Variants in MBOAT2 observed in about 807,000 individuals in gnomAD.
The protein encoded by MBOAT2 is membrane bound glycerophospholipid O-acyltransferase 2, also known as membrane-bound glycerophospholipid O-acyltransferase 2.
A neutral mutation model predicts 63.4 loss-of-function variants in MBOAT2; 28 were observed. The observed-to-expected ratio is 0.44, with a 90% CI of 0.33 to 0.61. MBOAT2 has a LOEUF of 0.61. MBOAT2 is among the 20% of genes least tolerant of loss of function. The pLI is 0.03. For missense variants in MBOAT2, 470 were observed against 605.8 expected (o/e 0.78, Z 2.35); for synonymous variants, 211 against 215.6 (o/e 0.98, Z 0.19).
chr2:8,893,655 T>C (rs1483576684), intron 4 of MBOAT2, among the ~76,000 whole-genome samples: 2 of 152,216 alleles, frequency 1.3e-5, no homozygotes, highest in African/African-American at 4.8e-5. Flanking sequence ...AGAAGCTTTC[T>C]CTTGAGAACA....
intron 6 of MBOAT2, among the ~76,000 whole-genome samples, chr2:8,877,713 T>G (rs1331875915): frequency 2.0e-5 from 3 of 152,152 alleles, no homozygotes; most frequent in African/African-American, 4.8e-5. Context: ...TTTATTCTAT[T>G]AAGAAGTCAG....
intron 7 of MBOAT2, among the ~76,000 whole-genome samples, chr2:8,876,625 T>G (rs1486557976): frequency 6.6e-6 from 1 of 150,426 alleles, no homozygotes; most frequent in Non-Finnish European, 1.5e-5. Flanking sequence ...AAAAAAGAAA[T>G]GGAGGATACA....
At chr2:8,910,926 G>A (rs1665667910) in intron 3 of MBOAT2, among the ~76,000 whole-genome samples, 1 of 152,160 alleles carries the variant, frequency 6.6e-6, no homozygotes, top group Non-Finnish European at 1.5e-5. Flanking sequence ...TTATGAAAAA[G>A]AACGACTAGT....
chr2:8,934,421 A>G (rs998642801), intron 3 of MBOAT2, among the ~76,000 whole-genome samples: 2 of 152,224 alleles, frequency 1.3e-5, no homozygotes, highest in Non-Finnish European at 2.9e-5. Context: ...CTAGATCACC[A>G]TTTACTAACT....
intron 1 of MBOAT2, among the ~76,000 whole-genome samples, chr2:8,962,797 A>C (rs1408517148): frequency 6.6e-6 from 1 of 151,990 alleles, no homozygotes; most frequent in African/African-American, 2.4e-5. Flanking sequence ...AAACTTCTAC[A>C]AAACAACAAC....
chr2:8,946,045 TTAGA>T (rs1409022927), intron 2 of MBOAT2, among the ~76,000 whole-genome samples: 1 of 152,084 alleles, frequency 6.6e-6, no homozygotes, highest in African/African-American at 2.4e-5. Context: ...AAAAAAGAGA[TTAGA>T]TAAACACAAA....
At chr2:8,939,288 G>A (rs574942857) in intron 3 of MBOAT2, among the ~76,000 whole-genome samples, 1 of 152,296 alleles carries the variant, frequency 6.6e-6, no homozygotes, top group Admixed American at 6.5e-5. Flanking sequence ...TGTGCCTGGG[G>A]AACACACTCC....
chr2:8,924,166 G>C (rs1419517602), intron 3 of MBOAT2, among the ~76,000 whole-genome samples: 2 of 152,154 alleles, frequency 1.3e-5, no homozygotes, highest in Non-Finnish European at 2.9e-5. Flanking sequence ...AGACAGCCAT[G>C]CCATCTTCAC....
rs777233227 is a variant in MBOAT2, at chr2:8,995,267, C to A, written c.75+8273G>T. ...AGAAAAAAAAATCACATGGAGCAGG[C>A]TCTCTCACAGAGTAGGCCAAAAGGG... On this transcript the variant is annotated intron_variant, in intron 1 of 12. Transcript: ENST00000305997. Among the ~76,000 whole-genome samples the A allele has an allele frequency of 8.5e-4, 130 of 152,324 alleles. 1 individual carries two copies. The highest frequency in any genetic ancestry group is 3.4e-3 in the Middle Eastern group (1 of 294).
At chr2:8,996,596 C>T (rs1268382743) in intron 1 of MBOAT2, among the ~76,000 whole-genome samples, 1 of 152,174 alleles carries the variant, frequency 6.6e-6, no homozygotes, top group Non-Finnish European at 1.5e-5. Context: ...TGGCTGCGTC[C>T]TTCAACTGGA....
intron 4 of MBOAT2, among the ~76,000 whole-genome samples, chr2:8,901,491 C>T (rs957998816): frequency 6.6e-6 from 1 of 152,130 alleles, no homozygotes; most frequent in East Asian, 1.9e-4. Flanking sequence ...AGTATTAGGA[C>T]TTTACCCATG....
At chr2:8,863,451 G>A (rs6431967) in intron 10 of MBOAT2, among the ~76,000 whole-genome samples, 151,603 of 152,298 alleles carry the variant, frequency 1, 75,459 homozygotes, top group Middle Eastern at 1. Flanking sequence ...CCCCTGGGAG[G>A]GTGTGCTGTT....
chr2:9,001,140 A>T (rs1672658850), intron 1 of MBOAT2, among the ~76,000 whole-genome samples: 3 of 152,052 alleles, frequency 2.0e-5, no homozygotes. Context: ...CTACAATAAC[A>T]ATGCCTTCTG....
intron 6 of MBOAT2, among the ~76,000 whole-genome samples, chr2:8,877,877 G>A (rs1168085706): frequency 6.6e-6 from 1 of 152,184 alleles, no homozygotes; most frequent in Non-Finnish European, 1.5e-5. Context: ...CCGTGGGGCT[G>A]GAGCAGAGTG....
chr2:8,963,446 G>T (rs1192695629), intron 1 of MBOAT2, among the ~76,000 whole-genome samples: 1 of 152,094 alleles, frequency 6.6e-6, no homozygotes, highest in Non-Finnish European at 1.5e-5. Context: ...TGGGATTACA[G>T]GCATGCACTA....
At chr2:8,958,453 A>G in intron 2 of MBOAT2, 44 bp downstream of exon 2, 1 of 1,505,352 alleles carries the variant, frequency 6.6e-7, no homozygotes, top group Non-Finnish European at 8.9e-7. Flanking sequence ...TCTCAAATAC[A>G]TCCAAATAGT....
intron 1 of MBOAT2, among the ~76,000 whole-genome samples, chr2:8,968,140 G>A (rs1254861288): frequency 6.6e-6 from 1 of 151,734 alleles, no homozygotes; most frequent in African/African-American, 2.4e-5. Context: ...AGTAGGGGCA[G>A]ACTGACACCT....
At chr2:8,957,635 A>T (rs1669319727) in intron 2 of MBOAT2, among the ~76,000 whole-genome samples, 1 of 152,182 alleles carries the variant, frequency 6.6e-6, no homozygotes, top group Non-Finnish European at 1.5e-5. Flanking sequence ...AAGTGAGTGC[A>T]TTTTCAACCT....
chr2:8,944,293 CT>C (rs761361164), intron 2 of MBOAT2, among the ~76,000 whole-genome samples: 1 of 152,164 alleles, frequency 6.6e-6, no homozygotes, highest in Non-Finnish European at 1.5e-5. Context: ...AAAACTATCC[CT>C]AATTTATGCA....
Sources: gnomAD v4.1 joint callset for allele counts (sites outside exome capture counted in the v4.1 genomes callset) on GRCh38, gnomAD v4.1.1 for gene constraint, MANE v1.5 for transcripts, NCBI Gene and HGNC (gene_info 2026-07-23, HGNC 2026-07-21) for gene names.